SEMA4D: variants seen among roughly 807,000 people sequenced by gnomAD.
SEMA4D encodes the protein semaphorin-4D.
Under a neutral mutation model 74.8 loss-of-function variants are expected in SEMA4D, and 22 were observed. That is an observed-to-expected ratio of 0.29 (90% CI 0.21 to 0.42). The LOEUF is 0.42. Ranked by LOEUF, SEMA4D falls within the 10% of genes least tolerant of loss-of-function variation. The pLI, the probability that SEMA4D is intolerant of heterozygous loss-of-function variation, is 1.00. For synonymous variants in SEMA4D, 445 were observed against 463.7 expected (o/e 0.96, Z 0.52); for missense variants, 937 against 1,118.4 (o/e 0.84, Z 2.31).
intron 15 of SEMA4D, among the ~76,000 whole-genome samples, chr9:89,380,118 A>G (rs1414688251): frequency 1.3e-5 from 2 of 150,728 alleles, no homozygotes; most frequent in Non-Finnish European, 3.0e-5. Context: ...CTGCAGCTTC[A>G]ACCCCCCCAG....
exon 19 of SEMA4D, chr9:89,362,247 C>T: frequency 7.7e-7 from 1 of 1,300,676 alleles, no homozygotes; most frequent in East Asian, 2.3e-5. Context: ...CCGCCTCTGC[C>T]CATCAGGTGG....
At chr9:89,425,215 C>T (rs1159442055) in intron 2 of SEMA4D, among the ~76,000 whole-genome samples, 3 of 152,154 alleles carry the variant, frequency 2.0e-5, no homozygotes, top group Admixed American at 6.5e-5. Flanking sequence ...GGCCTTGCCA[C>T]CTCCCCTAGG....
intron 1 of SEMA4D, among the ~76,000 whole-genome samples, chr9:89,494,450 G>C (rs1286886609): frequency 6.6e-6 from 1 of 152,198 alleles, no homozygotes; most frequent in Admixed American, 6.5e-5. Flanking sequence ...CTGAATACCA[G>C]GTGTGTGTCC....
intron 7 of SEMA4D, 126 bp from the exon 8 acceptor site, chr9:89,392,662 G>A (rs1405029787): frequency 2.9e-5 from 19 of 649,656 alleles, no homozygotes; most frequent in Non-Finnish European, 4.7e-5. Context: ...CTGGGGAAAG[G>A]GAAAGACAGT....
At chr9:89,385,651 G>T (rs192060037) in intron 13 of SEMA4D, 1 of 830,188 alleles carries the variant, frequency 1.2e-6, no homozygotes, top group East Asian at 1.2e-4. Flanking sequence ...GTGGATACAG[G>T]GGAGGGAAGA....
Position 89,460,516 on chromosome 9 carries a change from A to G in SEMA4D, c.-309-4563T>C, listed in dbSNP as rs566036977. Among the ~76,000 whole-genome samples the G allele has an allele frequency of 1.7e-4, 26 of 152,322 alleles. No individual in the cohort carries two copies. The South Asian group carries it at 5.4e-3, about 32-fold the overall frequency. On this transcript the variant is annotated intron_variant, in intron 1 of 15. Transcript: ENST00000422704. ...GATTACAAACAACTTGAAACTCCAAAATGTGTCACACACTCATGCAATGGA... is the reference window on the plus strand; with the variant it reads ...GATTACAAACAACTTGAAACTCCAAGATGTGTCACACACTCATGCAATGGA...
chr9:89,401,169 T>C (rs140135202), intron 4 of SEMA4D, among the ~76,000 whole-genome samples: 357 of 152,120 alleles, frequency 2.3e-3, no homozygotes, highest in African/African-American at 8.1e-3. Context: ...ATCCTCCCAC[T>C]TCAGACTTCC....
chr9:89,374,082 T>C (rs369596025), downstream of SEMA4D, among the ~76,000 whole-genome samples: 8 of 152,236 alleles, frequency 5.3e-5, no homozygotes, highest in East Asian at 7.7e-4. Flanking sequence ...TCGCAGGCTG[T>C]GGCCTCAGTG....
intron 5 of SEMA4D, among the ~76,000 whole-genome samples, chr9:89,397,320 C>A (rs1841199516): frequency 6.6e-6 from 1 of 152,222 alleles, no homozygotes. Context: ...TGTTGCCAGG[C>A]CTGGAGAAGT....
intron 9 of SEMA4D, among the ~76,000 whole-genome samples, chr9:89,390,319 G>A (rs1839547955): frequency 6.6e-6 from 1 of 151,938 alleles, no homozygotes; most frequent in Non-Finnish European, 1.5e-5. Context: ...ACTGTTGATA[G>A]GATGGTTTCC....
At chr9:89,436,169 A>G (rs950000459) in intron 2 of SEMA4D, among the ~76,000 whole-genome samples, 13 of 152,272 alleles carry the variant, frequency 8.5e-5, no homozygotes, top group Non-Finnish European at 1.9e-4. Context: ...CCAGAAGGGC[A>G]GCTGGTCATT....
chr9:89,423,221 C>CA (rs1847341172), intron 2 of SEMA4D, among the ~76,000 whole-genome samples: 2 of 148,844 alleles, frequency 1.3e-5, no homozygotes, highest in Admixed American at 6.7e-5. Context: ...GATGGAGTTT[C>CA]ACTCTTGTTG....
At chr9:89,412,736 C>T (rs1033842695) in intron 2 of SEMA4D, among the ~76,000 whole-genome samples, 1 of 152,196 alleles carries the variant, frequency 6.6e-6, no homozygotes, top group Non-Finnish European at 1.5e-5. Flanking sequence ...AAACAGTCCA[C>T]ATGAGTAGCC....
downstream of SEMA4D, among the ~76,000 whole-genome samples, chr9:89,374,616 T>C (rs932856737): frequency 6.6e-6 from 1 of 152,232 alleles, no homozygotes; most frequent in Non-Finnish European, 1.5e-5. Context: ...TGCCCTGTGG[T>C]TGAAATATCT....
intron 2 of SEMA4D, among the ~76,000 whole-genome samples, chr9:89,433,198 C>T (rs1019196268): frequency 7.2e-5 from 11 of 152,364 alleles, no homozygotes; most frequent in African/African-American, 2.6e-4. Context: ...ATGCATGCCC[C>T]TGCTATAGAG....
chr9:89,453,229 TA>T (rs765554504), intron 2 of SEMA4D, among the ~76,000 whole-genome samples: 17 of 152,218 alleles, frequency 1.1e-4, no homozygotes, highest in Non-Finnish European at 2.2e-4. Context: ...CAGTGCACTT[TA>T]TAAAGACTAC....
intron 2 of SEMA4D, among the ~76,000 whole-genome samples, chr9:89,435,179 G>A (rs1476290416): frequency 6.6e-6 from 1 of 152,138 alleles, no homozygotes; most frequent in Non-Finnish European, 1.5e-5. Context: ...CACTAAGAGA[G>A]TCATGATAAA....
chr9:89,460,889 A>G (rs183975836), intron 1 of SEMA4D, among the ~76,000 whole-genome samples: 3 of 152,262 alleles, frequency 2.0e-5, no homozygotes, highest in Admixed American at 6.5e-5. Flanking sequence ...ACCTAGCCTC[A>G]TATGTGGCCA....
intron 13 of SEMA4D, chr9:89,385,875 C>T: frequency 4.1e-5 from 9 of 217,276 alleles, no homozygotes; most frequent in Non-Finnish European, 6.0e-5. Context: ...TGCCCGCCCA[C>T]CCACCCCTGC....
Sources: allele counts gnomAD v4.1 joint callset (sites outside exome capture counted in the v4.1 genomes callset), GRCh38; gene constraint gnomAD v4.1.1; transcripts MANE v1.5; gene names NCBI Gene and HGNC (gene_info 2026-07-23, HGNC 2026-07-21).